The following ARID4B variants were observed in gnomAD, a reference collection of about 807,000 sequenced individuals.
The protein encoded by ARID4B is AT-rich interaction domain 4B.
Under a neutral mutation model 147.5 loss-of-function variants are expected in ARID4B, and 26 were observed. The ratio of observed to expected loss-of-function variants is 0.18; its 90% CI spans 0.13 to 0.24. ARID4B has a LOEUF of 0.24. Ranked by LOEUF, ARID4B falls within the 10% of genes least tolerant of loss-of-function variation. The pLI, the probability that ARID4B is intolerant of heterozygous loss-of-function variation, is 1.00. For missense variants in ARID4B, 1,179 were observed against 1,511.5 expected (o/e 0.78, Z 3.65); for synonymous variants, 512 against 507.9 (o/e 1.01, Z -0.11).
At chr1:235,308,520 G>T (rs1393471849) in intron 2 of ARID4B, among the ~76,000 whole-genome samples, 1 of 141,288 alleles carries the variant, frequency 7.1e-6, no homozygotes, top group Non-Finnish European at 1.5e-5. Flanking sequence ...TCCCTCTGAT[G>T]CCGAGCCGAA....
At chr1:235,176,938 T>C (rs1348419060) in intron 21 of ARID4B, 1 of 471,060 alleles carries the variant, frequency 2.1e-6, no homozygotes, top group Non-Finnish European at 4.4e-6. Flanking sequence ...TTCTGCTTCT[T>C]ACTTTGTCTA....
At chr1:235,303,774 T>C (rs1181848816) in intron 2 of ARID4B, among the ~76,000 whole-genome samples, 2 of 152,208 alleles carry the variant, frequency 1.3e-5, no homozygotes, top group Non-Finnish European at 2.9e-5. Flanking sequence ...CAAAGCTATA[T>C]GAATCTGACT....
intron 17 of ARID4B, among the ~76,000 whole-genome samples, chr1:235,203,408 A>C (rs909708930): frequency 5.9e-5 from 9 of 152,238 alleles, no homozygotes; most frequent in African/African-American, 2.2e-4. Flanking sequence ...ATACCTAAAA[A>C]GCACAGTCTT....
chr1:235,181,802 G>A lies in ARID4B; in HGVS notation c.3117C>T (p.Ser1039=). ...ATACTGTTACAGAAGACTGCTGCCG[G>A]CTGCCTTCTGTTACAGTGACTGATG... ...SPSSVTVTEG[S]RQQSSVTVSE... Residue 1039 remains serine (S), a synonymous_variant, in exon 20 of 24, where the codon AGC becomes AGT. Coordinates refer to ENST00000264183, the MANE Select transcript of ARID4B (RefSeq NM_016374.6). 1 of 1,614,156 alleles carries A rather than the reference G, an allele frequency of 6.2e-7. No homozygotes were observed. Among genetic ancestry groups the A allele is most frequent in the South Asian group, 1.1e-5 (1 of 91,088 alleles).
intron 7 of ARID4B, 53 bp downstream of exon 7, chr1:235,246,367 C>T (rs1199759009): frequency 1.5e-6 from 2 of 1,368,100 alleles, no homozygotes; most frequent in South Asian, 2.3e-5. Flanking sequence ...ATAAACAATA[C>T]TAGAAGGAGA....
chr1:235,302,999 A>C (rs189395614), intron 2 of ARID4B, among the ~76,000 whole-genome samples: 1 of 151,822 alleles, frequency 6.6e-6, no homozygotes, highest in Non-Finnish European at 1.5e-5. Context: ...GATCGGCTCA[A>C]TGCAAGCTCC....
intron 2 of ARID4B, among the ~76,000 whole-genome samples, chr1:235,276,604 T>C (rs927369157): frequency 6.6e-6 from 1 of 151,740 alleles, no homozygotes; most frequent in Admixed American, 6.6e-5. Context: ...CAAGGCTGTA[T>C]TGAGCTATGA....
At chr1:235,176,012 A>G (rs1030971741) in intron 21 of ARID4B, among the ~76,000 whole-genome samples, 3 of 152,198 alleles carry the variant, frequency 2.0e-5, no homozygotes, top group Non-Finnish European at 4.4e-5. Flanking sequence ...TGCTATTGCT[A>G]ATTAAACTTC....
intron 10 of ARID4B, among the ~76,000 whole-genome samples, chr1:235,230,604 A>AAC (rs1668145213): frequency 7.7e-6 from 1 of 129,380 alleles, no homozygotes; most frequent in Non-Finnish European, 1.7e-5. Context: ...TAAAAAAAAA[A>AAC]AAAAAAAAAA....
At chr1:235,291,128 G>GGCT (rs1479840096) in intron 2 of ARID4B, among the ~76,000 whole-genome samples, 1 of 152,142 alleles carries the variant, frequency 6.6e-6, no homozygotes, top group Non-Finnish European at 1.5e-5. Flanking sequence ...CAGGCGTGGT[G>GGCT]GCTCACGCCT....
intron 2 of ARID4B, among the ~76,000 whole-genome samples, chr1:235,312,590 C>T (rs931126172): frequency 6.6e-6 from 1 of 152,068 alleles, no homozygotes; most frequent in Admixed American, 6.6e-5. Flanking sequence ...GAGCAAAGCA[C>T]GAATAGGTGA....
intron 2 of ARID4B, among the ~76,000 whole-genome samples, chr1:235,290,181 C>T (rs1672248948): frequency 1.3e-5 from 2 of 152,076 alleles, no homozygotes; most frequent in African/African-American, 4.8e-5. Flanking sequence ...ATAACCTGAA[C>T]GGGAAACGAT....
rs746920622 is a variant in ARID4B at position 235,175,284 on chromosome 1, C to G, written c.3564G>C (p.Thr1188=). ...TCTTTCCACATTTTCCTGGAGACTG[C>G]GTCCTTGCGGGAGATTTGGTACTAT... The part of the protein sequence containing the change: ...KSHSTKSPAR[T]QSPGKCGKNG... Residue 1188 remains threonine (T), a synonymous_variant, in exon 22 of 24, where the codon ACG becomes ACC. Transcript: ENST00000264183. The G allele has an allele frequency of 1.9e-6, 3 of 1,613,932 alleles. No individual in the cohort carries two copies. The highest frequency in any genetic ancestry group is 2.7e-5 in the African/African-American group (2 of 74,922).
At chr1:235,230,679 C>G (rs923591822) in intron 10 of ARID4B, among the ~76,000 whole-genome samples, 1 of 149,452 alleles carries the variant, frequency 6.7e-6, no homozygotes, top group Non-Finnish European at 1.5e-5. Context: ...CCTAGCACTT[C>G]GGGAGGCTGA....
intron 2 of ARID4B, among the ~76,000 whole-genome samples, chr1:235,311,399 A>AATAATAATT (rs1408420734): frequency 7.4e-6 from 1 of 135,278 alleles, no homozygotes; most frequent in Non-Finnish European, 1.6e-5. Flanking sequence ...TAATAATAAT[A>AATAATAATT]ATTCATAGGA....
At chr1:235,300,301 C>G (rs1463469692) in intron 2 of ARID4B, among the ~76,000 whole-genome samples, 4 of 152,108 alleles carry the variant, frequency 2.6e-5, no homozygotes, top group Non-Finnish European at 5.9e-5. Flanking sequence ...CCTGCAATCC[C>G]AGCTACTTGG....
intron 6 of ARID4B, among the ~76,000 whole-genome samples, chr1:235,248,316 C>G (rs1669430119): frequency 6.6e-6 from 1 of 152,170 alleles, no homozygotes; most frequent in African/African-American, 2.4e-5. Flanking sequence ...TCCCAAACTG[C>G]TGGGATTACA....
Position 235,215,174 on chromosome 1 carries a change from T to C in ARID4B, c.1584-1148A>G, listed in dbSNP as rs953245171. 3.3e-5 allele frequency among the ~76,000 whole-genome samples: 5 copies of C among 152,148 alleles called. No homozygotes were observed. In the South Asian group the frequency reaches 6.2e-4, roughly 19 times the overall value. On this transcript the variant is annotated intron_variant, in intron 16 of 23. Transcript: ENST00000264183. ...ACCCATTTTTATCTTCTTAGTACCATGTACTTTCTAAAACTGAGCATTCAT... is the reference window on the plus strand; with the variant it reads ...ACCCATTTTTATCTTCTTAGTACCACGTACTTTCTAAAACTGAGCATTCAT...
chr1:235,288,440 A>G (rs950300767), intron 2 of ARID4B, among the ~76,000 whole-genome samples: 3 of 152,318 alleles, frequency 2.0e-5, no homozygotes, highest in Middle Eastern at 6.8e-3. Flanking sequence ...TCCATATTTA[A>G]TAACATTTCT....
Sources: gnomAD v4.1 joint callset for allele counts (sites outside exome capture counted in the v4.1 genomes callset) on GRCh38, gnomAD v4.1.1 for gene constraint, MANE v1.5 for transcripts, NCBI Gene and HGNC (gene_info 2026-07-23, HGNC 2026-07-21) for gene names.